ST6GALNAC3: variants seen among roughly 807,000 people sequenced by gnomAD.
ST6GALNAC3 encodes alpha-N-acetylgalactosaminide alpha-2,6-sialyltransferase 3.
A neutral mutation model predicts 32.7 loss-of-function variants in ST6GALNAC3; 25 were observed. The ratio of observed to expected loss-of-function variants is 0.76; its 90% confidence interval spans 0.56 to 1.07. The LOEUF (loss-of-function observed/expected upper bound fraction) is 1.07, where lower values mean the gene tolerates loss of function less well. Ranked by LOEUF, ST6GALNAC3 falls within the 50% of genes least tolerant of loss-of-function variation. The pLI, the probability that ST6GALNAC3 is intolerant of heterozygous loss-of-function variation, is 0.00. For missense variants in ST6GALNAC3, 355 were observed against 382.4 expected, an observed-to-expected ratio of 0.93 and a Z score of 0.60; for synonymous variants, 129 against 133.1, an observed-to-expected ratio of 0.97 and a Z score of 0.21.
At chr1:76,571,378 C>CT (rs936500843) in intron 3 of ST6GALNAC3, among the ~76,000 whole-genome samples, 2 of 152,038 alleles carry the variant, frequency 1.3e-5, no homozygotes, top group African/African-American at 4.8e-5. Flanking sequence ...TATCCACCTA[C>CT]TTTTTTTAAA....
At chr1:76,174,886 T>A (rs1030032958) in intron 1 of ST6GALNAC3, among the ~76,000 whole-genome samples, 13 of 152,104 alleles carry the variant, frequency 8.5e-5, no homozygotes, top group African/African-American at 2.4e-4. Flanking sequence ...CAGGCTAGTC[T>A]TGAACACCTG....
At chr1:76,597,439 G>A (rs1647155370) in intron 3 of ST6GALNAC3, among the ~76,000 whole-genome samples, 1 of 151,906 alleles carries the variant, frequency 6.6e-6, no homozygotes, top group Non-Finnish European at 1.5e-5. Context: ...GAATGCCTGT[G>A]CCCCCAAAAA....
At chr1:76,123,304 G>A (rs766308860) in intron 1 of ST6GALNAC3, among the ~76,000 whole-genome samples, 2 of 151,722 alleles carry the variant, frequency 1.3e-5, no homozygotes, top group African/African-American at 2.4e-5. Flanking sequence ...GCTTGGACCC[G>A]GGAGGCAGAG....
intron 1 of ST6GALNAC3, among the ~76,000 whole-genome samples, chr1:76,118,729 T>C (rs997073006): frequency 6.6e-6 from 1 of 152,208 alleles, no homozygotes; most frequent in Non-Finnish European, 1.5e-5. Flanking sequence ...TCCTTATTTT[T>C]CCCCAAATCA....
chr1:76,582,572 TG>T (rs1435952704), intron 3 of ST6GALNAC3, among the ~76,000 whole-genome samples: 1 of 152,204 alleles, frequency 6.6e-6, no homozygotes, highest in African/African-American at 2.4e-5. Flanking sequence ...CACCACTCAA[TG>T]CATAAATCCC....
rs143836286 is a variant in ST6GALNAC3 at position 76,360,630 on chromosome 1, A to C, written c.213+46631A>C. On this transcript the variant is annotated intron_variant, in intron 2 of 4. Transcript: ENST00000328299. ...GATAAAATATTTCTGGTAGCTAATC[A>C]ATATTCCAGTTCTCAATTATCCATG... Among the ~76,000 whole-genome samples, 640 of 152,344 alleles carry C rather than the reference A, an allele frequency of 4.2e-3. 4 individuals are homozygous for C. The highest frequency in any genetic ancestry group is 0.027 in the Middle Eastern group (8 of 294).
chr1:76,536,731 A>G (rs1345192390), intron 3 of ST6GALNAC3, among the ~76,000 whole-genome samples: 1 of 132,212 alleles, frequency 7.6e-6, no homozygotes, highest in Non-Finnish European at 1.7e-5. Flanking sequence ...AACAAAGATC[A>G]AAAAAGACAA....
Position 76,481,276 on chromosome 1 carries a change from C to A in ST6GALNAC3, c.623+68859C>A, listed in dbSNP as rs144077887. On this transcript the variant is annotated intron_variant, in intron 3 of 4. Coordinates refer to ENST00000328299, the MANE Select transcript of ST6GALNAC3 (RefSeq NM_152996.4). ...GATGATTAAGCACTAGAATATGTTG[C>A]TAGGAGAAACTGGAGAATTTTCTTT... Among the ~76,000 whole-genome samples, 5 of 152,196 alleles carry A rather than the reference C, an allele frequency of 3.3e-5. No homozygotes were observed. In the East Asian group the frequency reaches 9.7e-4, roughly 29 times the overall value.
intron 2 of ST6GALNAC3, among the ~76,000 whole-genome samples, chr1:76,401,216 T>A (rs957099533): frequency 1.1e-4 from 16 of 152,154 alleles, no homozygotes; most frequent in Non-Finnish European, 1.6e-4. Flanking sequence ...CTTATTTTTT[T>A]AAATCTCATG....
chr1:76,247,377 C>T (rs746384733), intron 1 of ST6GALNAC3, among the ~76,000 whole-genome samples: 39 of 152,124 alleles, frequency 2.6e-4, no homozygotes, highest in Non-Finnish European at 5.0e-4. Context: ...TCTTTAGAGC[C>T]GGCAGGCAGG....
intron 1 of ST6GALNAC3, among the ~76,000 whole-genome samples, chr1:76,110,658 A>G (rs1571171584): frequency 6.6e-6 from 1 of 152,350 alleles, no homozygotes; most frequent in African/African-American, 2.4e-5. Context: ...GGCTGTGTAG[A>G]CAGATTGCAA....
intron 1 of ST6GALNAC3, among the ~76,000 whole-genome samples, chr1:76,253,419 T>G (rs1308270635): frequency 1.3e-5 from 2 of 152,082 alleles, no homozygotes; most frequent in African/African-American, 4.8e-5. Context: ...ATGTGAAGCC[T>G]TTCACCGTTA....
chr1:76,089,188 C>T (rs546084179), intron 1 of ST6GALNAC3, among the ~76,000 whole-genome samples: 6 of 152,196 alleles, frequency 3.9e-5, no homozygotes, highest in Non-Finnish European at 5.9e-5. Context: ...GCCACTACGC[C>T]CGGCTAATTT....
chr1:76,306,242 C>T (rs10782611), intron 1 of ST6GALNAC3, among the ~76,000 whole-genome samples: 114,049 of 151,960 alleles, frequency 0.75, 43,854 homozygotes, highest in Non-Finnish European at 0.84. Context: ...AGCAATTATT[C>T]TTCCACTTCT....
chr1:76,566,645 A>G (rs1225466589), intron 3 of ST6GALNAC3, among the ~76,000 whole-genome samples: 2 of 151,946 alleles, frequency 1.3e-5, no homozygotes, highest in Non-Finnish European at 2.9e-5. Flanking sequence ...ATGTCACCTA[A>G]CCAGAAAGGC....
intron 1 of ST6GALNAC3, among the ~76,000 whole-genome samples, chr1:76,199,167 C>T (rs1654382644): frequency 6.6e-6 from 1 of 152,164 alleles, no homozygotes. Flanking sequence ...CGATTGGATC[C>T]TCCAAGACAT....
chr1:76,370,108 C>T (rs1421079682), intron 2 of ST6GALNAC3, among the ~76,000 whole-genome samples: 1 of 152,176 alleles, frequency 6.6e-6, no homozygotes, highest in Non-Finnish European at 1.5e-5. Context: ...AGGACCGCAG[C>T]AGGAACCAAC....
At chr1:76,384,693 G>A (rs1403113493) in intron 2 of ST6GALNAC3, among the ~76,000 whole-genome samples, 1 of 151,962 alleles carries the variant, frequency 6.6e-6, no homozygotes, top group Non-Finnish European at 1.5e-5. Flanking sequence ...TATTTCCTCT[G>A]ATCAGAGTGG....
At chr1:76,162,216 T>G (rs542342191) in intron 1 of ST6GALNAC3, among the ~76,000 whole-genome samples, 20 of 152,220 alleles carry the variant, frequency 1.3e-4, no homozygotes, top group Non-Finnish European at 2.6e-4. Flanking sequence ...CATGGGTTAT[T>G]GTGAGAATAA....
Sources: allele counts gnomAD v4.1 joint callset (sites outside exome capture counted in the v4.1 genomes callset), GRCh38; gene constraint gnomAD v4.1.1; transcripts MANE v1.5; gene names NCBI Gene and HGNC (gene_info 2026-07-23, HGNC 2026-07-21).